The following VEZF1 variants were observed in gnomAD, a reference collection of about 807,000 sequenced individuals.
VEZF1 encodes vascular endothelial zinc finger 1.
In VEZF1, 5 loss-of-function variants were observed where a neutral mutation model predicts 44.1. That is an observed-to-expected ratio of 0.11 (90% CI 0.06 to 0.24). The LOEUF (loss-of-function observed/expected upper bound fraction) is 0.24, where lower values mean the gene tolerates loss of function less well. VEZF1 is among the 10% of genes least tolerant of loss of function. The pLI, the probability that VEZF1 is intolerant of heterozygous loss-of-function variation, is 1.00. For missense variants in VEZF1, 358 were observed against 641.8 expected (o/e 0.56, Z 4.78); for synonymous variants, 236 against 233.1 (o/e 1.01, Z -0.11).
chr17:57,982,176 T>C (rs992593511), intron 2 of VEZF1, among the ~76,000 whole-genome samples: 3 of 152,212 alleles, frequency 2.0e-5, no homozygotes, highest in Non-Finnish European at 2.9e-5. Flanking sequence ...GTCTTGATTC[T>C]TTACAATTAC....
At chr17:57,981,751 G>C in intron 3 of VEZF1, 122 bp downstream of exon 3, 1 of 740,162 alleles carries the variant, frequency 1.4e-6, no homozygotes, top group Admixed American at 3.0e-5. Flanking sequence ...AGTCAAATGG[G>C]CCACATTTAC....
chr17:57,982,066 C>T, intron 2 of VEZF1, 130 bp from the exon 3 acceptor site: 1 of 873,640 alleles, frequency 1.1e-6, no homozygotes, highest in Non-Finnish European at 1.8e-6. Flanking sequence ...TTACCAACCT[C>T]CCTCCCCCGG....
chr17:57,981,722 T>TAA (rs1181817880), intron 3 of VEZF1, 151 bp downstream of exon 3: 6 of 575,460 alleles, frequency 1.0e-5, no homozygotes, highest in Non-Finnish European at 1.7e-5. Context: ...AGCTGTCAGT[T>TAA]ATATTTTATA....
chr17:57,984,420 T>A (rs1359304597), intron 1 of VEZF1, among the ~76,000 whole-genome samples: 1 of 152,176 alleles, frequency 6.6e-6, no homozygotes, highest in East Asian at 1.9e-4. Flanking sequence ...ATGGAAAAAA[T>A]TCCTGAAATA....
Position 57,974,725 on chromosome 17 carries a change from G to A in VEZF1, c.1314C>T (p.Ser438=), listed in dbSNP as rs1201768624. The change falls in exon 6 of 6, where the codon AGC becomes AGT. Residue 438 remains serine, a synonymous_variant. Transcript: ENST00000581208. The part of the protein sequence containing the change: ...VNVSSAVNIT[S]PMNIGHPVTI... ...TTACAGGATGCCCTATGTTCATTGG[G>A]CTGGTTATGTTAACTGCACTTGAAA... The A allele has an allele frequency of 6.2e-7, 1 of 1,614,008 alleles. No individual in the cohort carries two copies. Among genetic ancestry groups the A allele is most frequent in the African/African-American group, 1.3e-5 (1 of 74,896 alleles).
chr17:57,976,564 T>C (rs1242748982), intron 5 of VEZF1, among the ~76,000 whole-genome samples: 1 of 152,210 alleles, frequency 6.6e-6, no homozygotes, highest in African/African-American at 2.4e-5. Context: ...TTACCTTATT[T>C]AGGCCTAATA....
At chr17:57,979,970 C>CAAAAAAAAAA (rs11359148) in intron 4 of VEZF1, among the ~76,000 whole-genome samples, 174 of 68,120 alleles carry the variant, frequency 2.6e-3, no homozygotes, top group East Asian at 6.5e-3. Context: ...GACTCCGTCT[C>CAAAAAAAAAA]AAAAAAAAAA....
At position 57,983,015 on chromosome 17, in the gene VEZF1, T is replaced by C. The variant is rs1407250244; in HGVS notation, c.412A>G (p.Thr138Ala). The change falls in exon 2 of 6, where the codon ACA becomes GCA. Residue 138 changes from threonine to alanine, a missense_variant. Around this residue, in one of 4 missense-constraint regions of VEZF1, gnomAD observed 117 missense variants for 207.2 expected, o/e 0.56. Transcript: ENST00000581208. ...GTGCCCGAGGAAGATGTAGTGACTG[T>C]TGACAAGATGCCTGCAATGGTCGAG... The part of the protein sequence containing the change: ...LVSTIAGILS[T>A]VTTSSSGTNP... The C allele has an allele frequency of 2.5e-6, 4 of 1,614,202 alleles. No homozygotes were observed. The highest frequency in any genetic ancestry group is 2.2e-5 in the East Asian group (1 of 44,884).
chr17:57,979,662 A>G (rs1007436107), intron 4 of VEZF1, among the ~76,000 whole-genome samples: 1 of 152,116 alleles, frequency 6.6e-6, no homozygotes, highest in African/African-American at 2.4e-5. Context: ...ATGTACACTA[A>G]AAGTGAATGT....
chr17:57,982,541 G>A (rs147717230), intron 2 of VEZF1, among the ~76,000 whole-genome samples, 158 bp downstream of exon 2: 1 of 152,130 alleles, frequency 6.6e-6, no homozygotes, highest in Non-Finnish European at 1.5e-5. Context: ...ACTGAGGTTA[G>A]ACCTGGAGGT....
At chr17:57,982,050 G>T in intron 2 of VEZF1, 114 bp from the exon 3 acceptor site, 1 of 1,100,660 alleles carries the variant, frequency 9.1e-7, no homozygotes, top group Non-Finnish European at 1.3e-6. Context: ...GGGAAAGCTA[G>T]CAGAATTACC....
chr17:57,979,991 A>AC (rs1567738786), intron 4 of VEZF1, among the ~76,000 whole-genome samples: 1 of 149,398 alleles, frequency 6.7e-6, no homozygotes, highest in Non-Finnish European at 1.5e-5. Flanking sequence ...AAAAAAAAAA[A>AC]CAAAAAAAAC....
rs764812154 is a variant in VEZF1, at chr17:57,980,791, A to G, written c.793-5T>C. The G allele has an allele frequency of 2.5e-6, 4 of 1,614,148 alleles. No homozygotes were observed. The highest frequency in any genetic ancestry group is 3.3e-5 in the Admixed American group (2 of 60,010). ...GGCAAAGGCAGCAGTGCACGTCTGC[A>G]TGAGGGAGGAAAACTTTTTTTAAAT... On this transcript the variant is annotated splice_region_variant and splice_polypyrimidine_tract_variant and intron_variant, in intron 3 of 5. Transcript: ENST00000581208.
intron 5 of VEZF1, among the ~76,000 whole-genome samples, chr17:57,976,327 G>A (rs1598043504): frequency 6.6e-6 from 1 of 152,156 alleles, no homozygotes; most frequent in African/African-American, 2.4e-5. Flanking sequence ...TGTAACTTTG[G>A]CACACACCAT....
chr17:57,984,537 C>G (rs1478570070), intron 1 of VEZF1, among the ~76,000 whole-genome samples: 1 of 152,170 alleles, frequency 6.6e-6, no homozygotes, highest in Admixed American at 6.5e-5. Flanking sequence ...TGCATGCACT[C>G]AAGAGGAGTT....
intron 4 of VEZF1, 72 bp downstream of exon 4, chr17:57,980,531 G>C: frequency 2.1e-6 from 3 of 1,439,530 alleles, no homozygotes; most frequent in Non-Finnish European, 2.9e-6. Context: ...TAATACCTTT[G>C]ATACAATATG....
At chr17:57,985,158 T>C (rs981767232) in intron 1 of VEZF1, 6 of 718,962 alleles carry the variant, frequency 8.3e-6, no homozygotes, top group Non-Finnish European at 1.2e-5. Flanking sequence ...TAATAGGGAA[T>C]GCAGATCTTC....
At chr17:57,987,194 T>C (rs994378402) in intron 1 of VEZF1, among the ~76,000 whole-genome samples, 1 of 151,980 alleles carries the variant, frequency 6.6e-6, no homozygotes, top group African/African-American at 2.4e-5. Context: ...CTCCACTTGG[T>C]TGGAGGAAAC....
intron 5 of VEZF1, among the ~76,000 whole-genome samples, chr17:57,977,134 G>T (rs1290373566): frequency 2.0e-5 from 3 of 151,544 alleles, no homozygotes; most frequent in Non-Finnish European, 4.4e-5. Flanking sequence ...TGTTTTTTTT[G>T]AGATGGGGGT....
Sources: gnomAD v4.1 joint callset for allele counts (sites outside exome capture counted in the v4.1 genomes callset) on GRCh38, gnomAD v4.1.1 for gene constraint, gnomAD v4.1.1 regional missense constraint, MANE v1.5 for transcripts, NCBI Gene and HGNC (gene_info 2026-07-23, HGNC 2026-07-21) for gene names.